The following SNTG2 variants were observed in gnomAD, a reference collection of about 807,000 sequenced individuals.
SNTG2 encodes gamma-2-syntrophin.
SNTG2 carries 74 observed loss-of-function variants against 70.9 expected under a neutral mutation model. The ratio of observed to expected loss-of-function variants is 1.04; its 90% confidence interval spans 0.86 to 1.27. The LOEUF (loss-of-function observed/expected upper bound fraction) is 1.27, where lower values mean the gene tolerates loss of function less well. SNTG2 is among the 50% of genes most tolerant of loss of function. The pLI is 0.00. For synonymous variants in SNTG2, 278 were observed against 273.8 expected, an observed-to-expected ratio of 1.02 and a Z score of -0.15; for missense variants, 717 against 690.7, an observed-to-expected ratio of 1.04 and a Z score of -0.43.
chr2:1,063,096 T>C (rs567429746), intron 1 of SNTG2, among the ~76,000 whole-genome samples: 1 of 152,258 alleles, frequency 6.6e-6, no homozygotes, highest in East Asian at 1.9e-4. Context: ...TAGTAACCAC[T>C]GTAAACCATG....
At position 1,169,555 on chromosome 2, in the gene SNTG2, A is replaced by G. The variant is rs137943404; in HGVS notation, c.500-3537A>G. Among the ~76,000 whole-genome samples, 961 of 152,210 alleles carry G rather than the reference A, an allele frequency of 6.3e-3. 16 individuals are homozygous for G. Among genetic ancestry groups the G allele is most frequent in the African/African-American group, 0.022 (918 of 41,538 alleles). ...ACTGAGCCTGTGTTTCCCTCTGAGG[A>G]TGGGCAGCTCTTGCAATTCTAGTGC... On this transcript the variant is annotated intron_variant, in intron 7 of 16. Coordinates refer to ENST00000308624, the MANE Select transcript of SNTG2 (RefSeq NM_018968.4).
intron 1 of SNTG2, among the ~76,000 whole-genome samples, chr2:1,048,228 A>G (rs568684532): frequency 2.6e-5 from 4 of 152,272 alleles, no homozygotes; most frequent in African/African-American, 9.6e-5. Context: ...TTTTACTGAT[A>G]TACAATATGC....
intron 12 of SNTG2, among the ~76,000 whole-genome samples, chr2:1,257,055 G>A (rs1678160426): frequency 2.0e-5 from 3 of 151,370 alleles, no homozygotes; most frequent in South Asian, 2.1e-4. Flanking sequence ...GCCCCTCACT[G>A]CCCCCACCTC....
At position 1,002,884 on chromosome 2, in the gene SNTG2, T is replaced by TTA. The variant is rs756474389; in HGVS notation, c.72+51832_72+51833dup. 5.9e-3 allele frequency among the ~76,000 whole-genome samples: 883 copies of TTA among 148,990 alleles called. 7 individuals are homozygous for TTA. The highest frequency in any genetic ancestry group is 0.011 in the African/African-American group (452 of 40,840). ...AATGAATGACTAGGTAAAGAAAATG[T>TTA]TATATATATATATATATTTATATAG... On this transcript the variant is annotated intron_variant, in intron 1 of 16. Coordinates refer to ENST00000308624, the MANE Select transcript of SNTG2 (RefSeq NM_018968.4).
At chr2:1,168,878 T>C (rs1318888972) in intron 7 of SNTG2, among the ~76,000 whole-genome samples, 2 of 152,118 alleles carry the variant, frequency 1.3e-5, no homozygotes, top group African/African-American at 4.8e-5. Context: ...CCCAGGGCCG[T>C]AGAGGCAGAA....
At chr2:1,208,078 G>A (rs558293631) in intron 8 of SNTG2, among the ~76,000 whole-genome samples, 62 of 152,342 alleles carry the variant, frequency 4.1e-4, no homozygotes, top group African/African-American at 1.3e-3. Context: ...CTTGCAGACA[G>A]ATGCTCGGAT....
Position 1,367,392 on chromosome 2 carries a change from T to A in SNTG2, c.1538T>A (p.Phe513Tyr). 2 of 1,551,650 alleles carry A rather than the reference T, an allele frequency of 1.3e-6. No homozygotes were observed. The highest frequency in any genetic ancestry group is 1.7e-6 in the Non-Finnish European group (2 of 1,146,976). The change falls in exon 17 of 17, where the codon TTC (phenylalanine) becomes TAC (tyrosine). Residue 513 changes from phenylalanine (F) to tyrosine (Y), a missense_variant. Phe to Tyr is a conservative substitution (Grantham distance 22, BLOSUM62 3). Coordinates refer to ENST00000308624, the MANE Select transcript of SNTG2 (RefSeq NM_018968.4). The part of the protein sequence containing the change: ...LRAVLHCIHS[F>Y]IAAKVASVDP... ...GCTGTCCTGCACTGCATCCACTCCT[T>A]CATAGCAGCCAAGGTGGCCTCCGTG...
intron 9 of SNTG2, among the ~76,000 whole-genome samples, chr2:1,219,182 A>G (rs1674590250): frequency 6.6e-6 from 1 of 151,520 alleles, no homozygotes; most frequent in African/African-American, 2.4e-5. Context: ...TTTCCTTCCA[A>G]CTCCTGCTAT....
rs200415731 is a variant in SNTG2 at position 982,995 on chromosome 2, TG to T, written c.72+31929del. Among the ~76,000 whole-genome samples, 723 of 150,176 alleles carry T rather than the reference TG, an allele frequency of 4.8e-3. 4 individuals carry two copies. The highest frequency in any genetic ancestry group is 0.015 in the African/African-American group (612 of 40,656). On this transcript the variant is annotated intron_variant, in intron 1 of 16. Transcript: ENST00000308624. The stretch of plus-strand genomic sequence containing the variant: ...GATGAAGCAGAAGCTGCAGGGGTGG[TG>T]GTCAGGATGAAGAAGCTGCAGAGGT...
At chr2:1,312,253 C>G (rs1426326278) in intron 15 of SNTG2, among the ~76,000 whole-genome samples, 1 of 152,070 alleles carries the variant, frequency 6.6e-6, no homozygotes, top group East Asian at 1.9e-4. Flanking sequence ...TAGAACACCC[C>G]CTAGCTGCTA....
At chr2:1,099,992 G>A (rs891831983) in intron 4 of SNTG2, among the ~76,000 whole-genome samples, 23 of 152,272 alleles carry the variant, frequency 1.5e-4, no homozygotes, top group Middle Eastern at 3.4e-3. Context: ...AGCAAGCCCC[G>A]AAACCCAGAG....
chr2:1,304,728 CA>C (rs58886426), intron 14 of SNTG2, among the ~76,000 whole-genome samples: 96,914 of 140,706 alleles, frequency 0.69, 32,658 homozygotes, highest in East Asian at 0.8. Context: ...CTCTCTCTCT[CA>C]AAAAAAAAAA....
At chr2:1,008,432 C>T (rs778724413) in intron 1 of SNTG2, among the ~76,000 whole-genome samples, 5 of 151,676 alleles carry the variant, frequency 3.3e-5, no homozygotes, top group South Asian at 2.1e-4. Flanking sequence ...TTTTGAGATG[C>T]GCAAAAAAGG....
At chr2:987,852 G>T (rs1242926806) in intron 1 of SNTG2, among the ~76,000 whole-genome samples, 1 of 152,100 alleles carries the variant, frequency 6.6e-6, no homozygotes, top group Admixed American at 6.5e-5. Flanking sequence ...TGGAGATGTG[G>T]AAGGAAGGCC....
intron 4 of SNTG2, among the ~76,000 whole-genome samples, chr2:1,099,437 C>A (rs993687048): frequency 3.3e-5 from 5 of 152,234 alleles, no homozygotes; most frequent in Non-Finnish European, 7.3e-5. Flanking sequence ...GTGAAAAGCA[C>A]AGAATAAGCT....
intron 1 of SNTG2, among the ~76,000 whole-genome samples, chr2:1,057,416 C>G (rs1324167194): frequency 1.3e-5 from 2 of 152,218 alleles, no homozygotes; most frequent in East Asian, 3.9e-4. Flanking sequence ...GTAACTCACA[C>G]GTTCACAAGT....
At chr2:980,610 T>A (rs1661065766) in intron 1 of SNTG2, among the ~76,000 whole-genome samples, 1 of 152,176 alleles carries the variant, frequency 6.6e-6, no homozygotes, top group African/African-American at 2.4e-5. Context: ...CTGATGCTTA[T>A]CTGAAATTTT....
intron 16 of SNTG2, among the ~76,000 whole-genome samples, chr2:1,329,435 G>A (rs566982748): frequency 3.9e-5 from 6 of 152,076 alleles, no homozygotes; most frequent in Non-Finnish European, 5.9e-5. Flanking sequence ...AAAACTCTCC[G>A]CCTTTTCAAG....
At chr2:1,090,392 C>A (rs115922413) in intron 2 of SNTG2, among the ~76,000 whole-genome samples, 2,052 of 152,218 alleles carry the variant, frequency 0.013, 56 homozygotes, top group African/African-American at 0.046. Context: ...TTCTTGTTAC[C>A]AGCTGTGAAT....
Sources: gnomAD v4.1 joint callset for allele counts (sites outside exome capture counted in the v4.1 genomes callset) on GRCh38, gnomAD v4.1.1 for gene constraint, MANE v1.5 for transcripts, NCBI Gene and HGNC (gene_info 2026-07-23, HGNC 2026-07-21) for gene names.